The following GFRA1 variants were observed in gnomAD, a reference collection of about 807,000 sequenced individuals.
GFRA1 encodes GDNF family receptor alpha 1.
In GFRA1, 16 loss-of-function variants were observed where a neutral mutation model predicts 51.6. The observed-to-expected ratio is 0.31, with a 90% CI of 0.21 to 0.47. The LOEUF is 0.47. Ranked by LOEUF, GFRA1 falls within the 20% of genes least tolerant of loss-of-function variation. The pLI is 1.00. For missense variants in GFRA1, 530 were observed against 594.3 expected, an observed-to-expected ratio of 0.89 and a Z score of 1.13; for synonymous variants, 270 against 241.3, an observed-to-expected ratio of 1.12 and a Z score of -1.10.
At chr10:116,266,070 G>A (rs562957010) in intron 4 of GFRA1, among the ~76,000 whole-genome samples, 12 of 152,250 alleles carry the variant, frequency 7.9e-5, no homozygotes, top group South Asian at 4.1e-4. Context: ...TGTTCCCAAC[G>A]GGCCACTGAT....
intron 5 of GFRA1, among the ~76,000 whole-genome samples, chr10:116,190,480 A>C (rs779526438): frequency 2.6e-5 from 4 of 152,190 alleles, no homozygotes; most frequent in Non-Finnish European, 5.9e-5. Flanking sequence ...GGCCTTCCCC[A>C]GAGCTCCCCT....
At chr10:116,241,964 TA>T (rs965496142) in intron 4 of GFRA1, among the ~76,000 whole-genome samples, 2 of 151,382 alleles carry the variant, frequency 1.3e-5, no homozygotes, top group African/African-American at 2.4e-5. Flanking sequence ...AGGCAGCTAT[TA>T]AAAAAAAAGT....
chr10:116,106,626 C>T (rs1000473254), intron 6 of GFRA1, among the ~76,000 whole-genome samples: 19 of 152,118 alleles, frequency 1.2e-4, no homozygotes, highest in Non-Finnish European at 5.9e-5. Flanking sequence ...TGTGTGGCAC[C>T]TCCCTCCACT....
chr10:116,210,296 C>T (rs1965089535), intron 5 of GFRA1, among the ~76,000 whole-genome samples: 1 of 152,036 alleles, frequency 6.6e-6, no homozygotes, highest in Non-Finnish European at 1.5e-5. Context: ...AAAGACTTTC[C>T]AAACTCAAAT....
chr10:116,125,782 G>T (rs1034472378), intron 5 of GFRA1, among the ~76,000 whole-genome samples: 5 of 152,192 alleles, frequency 3.3e-5, no homozygotes, highest in Non-Finnish European at 5.9e-5. Flanking sequence ...TCCCACAGAT[G>T]TAGAATTAGG....
At chr10:116,113,357 A>G (rs1957287467) in intron 6 of GFRA1, among the ~76,000 whole-genome samples, 1 of 152,166 alleles carries the variant, frequency 6.6e-6, no homozygotes, top group Non-Finnish European at 1.5e-5. Flanking sequence ...CACATAAACA[A>G]AAGCCCATTG....
At chr10:116,194,041 T>TAAATAAA (rs1963508352) in intron 5 of GFRA1, among the ~76,000 whole-genome samples, 1 of 46,676 alleles carries the variant, frequency 2.1e-5, no homozygotes, top group African/African-American at 1.1e-4. Context: ...TCCGTCTCAA[T>TAAATAAA]AAAAAAAAAT....
At chr10:116,099,548 C>T (rs1012969728) in intron 6 of GFRA1, among the ~76,000 whole-genome samples, 2 of 152,168 alleles carry the variant, frequency 1.3e-5, no homozygotes, top group African/African-American at 4.8e-5. Context: ...CTCCACTCCC[C>T]CATCCCACTA....
At chr10:116,263,646 T>C (rs1969451022) in intron 4 of GFRA1, among the ~76,000 whole-genome samples, 2 of 152,026 alleles carry the variant, frequency 1.3e-5, no homozygotes, top group African/African-American at 4.8e-5. Flanking sequence ...CAAAAGCCAG[T>C]TAGTAAAAGA....
intron 5 of GFRA1, among the ~76,000 whole-genome samples, chr10:116,166,641 C>A (rs1589838620): frequency 6.6e-6 from 1 of 152,104 alleles, no homozygotes; most frequent in East Asian, 1.9e-4. Context: ...GTGTCTTCTA[C>A]CACACCCTAG....
intron 6 of GFRA1, among the ~76,000 whole-genome samples, chr10:116,103,978 A>G (rs1313952249): frequency 6.6e-6 from 1 of 152,102 alleles, no homozygotes; most frequent in Non-Finnish European, 1.5e-5. Flanking sequence ...GGAGCTGCGG[A>G]GCTGGGGAGC....
chr10:116,250,615 G>A (rs1353954093), intron 4 of GFRA1, among the ~76,000 whole-genome samples: 4 of 152,164 alleles, frequency 2.6e-5, no homozygotes, highest in Admixed American at 6.5e-5. Flanking sequence ...AGTCACACTC[G>A]AGCACAAAGT....
chr10:116,174,488 T>A (rs578260468), intron 5 of GFRA1, among the ~76,000 whole-genome samples: 3 of 152,214 alleles, frequency 2.0e-5, no homozygotes, highest in Non-Finnish European at 4.4e-5. Context: ...AAGACTTCAA[T>A]GTGTTGTTAG....
chr10:116,261,162 C>A (rs1028183269), intron 4 of GFRA1, among the ~76,000 whole-genome samples: 31 of 152,204 alleles, frequency 2.0e-4, no homozygotes, highest in Middle Eastern at 3.4e-3. Context: ...CAGATTTGAA[C>A]AGGTGAAAGA....
At chr10:116,093,299 A>G (rs1956429665) in intron 8 of GFRA1, among the ~76,000 whole-genome samples, 1 of 152,168 alleles carries the variant, frequency 6.6e-6, no homozygotes, top group South Asian at 2.1e-4. Context: ...CACATTGTAT[A>G]TTCCGCCCAG....
chr10:116,201,234 G>C (rs992725348), intron 5 of GFRA1, among the ~76,000 whole-genome samples: 1 of 152,108 alleles, frequency 6.6e-6, no homozygotes, highest in African/African-American at 2.4e-5. Context: ...TAGTCCTTGA[G>C]TAATGAAAGG....
chr10:116,123,344 C>A (rs1365700175), intron 6 of GFRA1, among the ~76,000 whole-genome samples: 1 of 152,220 alleles, frequency 6.6e-6, no homozygotes, highest in Non-Finnish European at 1.5e-5. Context: ...AAACTCAGTT[C>A]ATAAGACGCT....
chr10:116,267,899 C>T (rs1387927387), intron 4 of GFRA1, among the ~76,000 whole-genome samples: 7 of 151,910 alleles, frequency 4.6e-5, no homozygotes, highest in East Asian at 1.9e-4. Flanking sequence ...TTACACTAAA[C>T]TCGTATCCTT....
rs1400269852 is a variant in GFRA1, at chr10:116,216,592, A to T, written c.419-4947T>A. 1.1e-4 allele frequency among the ~76,000 whole-genome samples: 16 copies of T among 152,316 alleles called. No individual in the cohort carries two copies. The South Asian group carries it at 3.3e-3, about 32-fold the overall frequency. On this transcript the variant is annotated intron_variant, in intron 4 of 10. Transcript: ENST00000355422. The stretch of plus-strand genomic sequence containing the variant: ...GGGGTGGTAAAGTTATTAGTTCTCA[A>T]ACAATGTAATCATACTACTCTCTCA...
Sources: gnomAD v4.1 joint callset for allele counts (sites outside exome capture counted in the v4.1 genomes callset) on GRCh38, gnomAD v4.1.1 for gene constraint, MANE v1.5 for transcripts, NCBI Gene and HGNC (gene_info 2026-07-23, HGNC 2026-07-21) for gene names.